CDK10: variants seen among roughly 807,000 people sequenced by gnomAD.
The protein encoded by CDK10 is cyclin dependent kinase 10.
In CDK10, 55 loss-of-function variants were observed where a neutral mutation model predicts 51.0. The observed-to-expected ratio is 1.08, with a 90% CI of 0.87 to 1.35. The LOEUF (loss-of-function observed/expected upper bound fraction) is 1.35. Among genes scored for constraint, CDK10 ranks in the 40% most tolerant of loss-of-function variants. CDK10 has a pLI of 0.00. For missense variants in CDK10, 589 were observed against 485.1 expected, an observed-to-expected ratio of 1.21 and a Z score of -2.01; for synonymous variants, 255 against 199.1, an observed-to-expected ratio of 1.28 and a Z score of -2.36.
Position 89,691,472 on chromosome 16 carries a change from ACGCTGCTGCTC to A in CDK10, c.266_276del (p.Leu89ProfsTer29), listed in dbSNP as rs780215532. 8.7e-6 allele frequency: 14 copies of A among 1,613,192 alleles called. No individual in the cohort carries two copies. Among genetic ancestry groups the A allele is most frequent in the Non-Finnish European group, 1.2e-5 (14 of 1,179,710 alleles). ...CCCCATCAGCAGCTTGCGGGAGATC[ACGCTGCTGCTC>A]CGCCTGCGTCATCCGAACATCGTGG... On this transcript the variant is annotated frameshift_variant, in exon 4 of 13. Transcript: ENST00000353379. LOFTEE classifies it high-confidence loss of function.
chr16:89,695,971 G>A lies in CDK10; in HGVS notation c.*279G>A, dbSNP rs1347217364. The A allele has an allele frequency of 8.0e-6, 5 of 621,808 alleles. No homozygotes were observed. Among genetic ancestry groups the A allele is most frequent in the East Asian group, 2.7e-5 (1 of 36,458 alleles). 38.5% of individuals were successfully genotyped at this position (621,808 alleles called of 1,614,324 possible). ...GCAGGGGTCTCATGTGGTCCTCCTC[G>A]CTATGTTGGAAATGTGCAACCACTG... On this transcript the variant is annotated 3_prime_UTR_variant, in exon 13 of 13. Transcript: ENST00000353379.
intron 9 of CDK10, 173 bp from the exon 10 acceptor site, chr16:89,694,492 C>A: frequency 1.6e-6 from 2 of 1,220,090 alleles, no homozygotes; most frequent in Non-Finnish European, 2.3e-6. Flanking sequence ...GGGAGGCCTG[C>A]GGGGCCCAGG....
chr16:89,688,165 T>G (rs1004891840), intron 1 of CDK10, among the ~76,000 whole-genome samples: 2 of 138,630 alleles, frequency 1.4e-5, no homozygotes, highest in African/African-American at 5.5e-5. Context: ...CACTGCAAGC[T>G]CCACCTCCTG....
At chr16:89,693,540 G>A (rs2060554283) in intron 8 of CDK10, 73 bp downstream of exon 8, 1 of 1,466,062 alleles carries the variant, frequency 6.8e-7, no homozygotes, top group African/African-American at 1.4e-5. Context: ...GGGATGTCAG[G>A]CCGAAGCTGC....
rs1316205080 is a variant in CDK10 at position 89,695,832 on chromosome 16, C to T, written c.*140C>T. ...GCTGGGAACATCCTCCACTGACTTC[C>T]TCCCACTGTCTGCCCTGAACCCACT... On this transcript the variant is annotated 3_prime_UTR_variant, in exon 13 of 13. Coordinates refer to ENST00000353379, the MANE Select transcript of CDK10 (RefSeq NM_052988.5). The T allele has an allele frequency of 2.0e-6, 3 of 1,528,044 alleles. No individual in the cohort carries two copies. Among genetic ancestry groups the T allele is most frequent in the Admixed American group, 3.9e-5 (2 of 51,196 alleles). 94.7% of individuals were successfully genotyped at this position (1,528,044 alleles called of 1,614,324 possible).
At position 89,696,189 on chromosome 16, in the gene CDK10, A is replaced by G. The variant is rs1350069112; in HGVS notation, c.*497A>G. On this transcript the variant is annotated 3_prime_UTR_variant, in exon 13 of 13. Transcript: ENST00000353379. ...CAGATGAGGACAAGAGGGACAAGGT[A>G]TGGGGTGGGAGCCACAATTGAGGAT... 6.2e-6 allele frequency: 2 copies of G among 321,558 alleles called. No individual in the cohort carries two copies. Among genetic ancestry groups the G allele is most frequent in the Non-Finnish European group, 1.2e-5 (2 of 168,014 alleles). The allele number at this position is 321,558 out of a possible 1,614,324, so 19.9% of individuals were successfully genotyped here.
At chr16:89,690,739 G>A in intron 3 of CDK10, 115 bp downstream of exon 3, 1 of 910,184 alleles carries the variant, frequency 1.1e-6, no homozygotes, top group East Asian at 2.5e-5. Context: ...GCCGGCCTCT[G>A]GGAGGGTTCT....
chr16:89,696,128 T>G lies in CDK10; in HGVS notation c.*436T>G, dbSNP rs2060709814. On this transcript the variant is annotated 3_prime_UTR_variant, in exon 13 of 13. Transcript: ENST00000353379. Reference sequence around the variant, plus strand: ...GCCCGGGGCTGTCCCGTGCATGGGTTGGCTGTGGGGACCCCAGGTGGGCCT... The same window carrying G: ...GCCCGGGGCTGTCCCGTGCATGGGTGGGCTGTGGGGACCCCAGGTGGGCCT... The G allele has an allele frequency of 2.6e-6, 1 of 389,294 alleles. No individual in the cohort carries two copies. 24.1% of individuals were successfully genotyped at this position (389,294 alleles called of 1,614,324 possible). A position where few individuals can be genotyped will look rare whatever the true frequency, so the allele number is the denominator to read the frequency against.
chr16:89,687,400 C>T (rs1276085158), intron 1 of CDK10: 1 of 440,876 alleles, frequency 2.3e-6, no homozygotes, highest in Non-Finnish European at 4.7e-6. Flanking sequence ...TAACTGCTGG[C>T]TGGTGCTCTG....
intron 12 of CDK10, 63 bp from the exon 13 acceptor site, chr16:89,695,532 C>T (rs2060681598): frequency 6.5e-7 from 1 of 1,550,182 alleles, no homozygotes; most frequent in Non-Finnish European, 8.7e-7. Flanking sequence ...TGGACTCAGA[C>T]CTGGGCCTGC....
chr16:89,691,368 G>T, intron 3 of CDK10, 75 bp from the exon 4 acceptor site: 1 of 1,105,920 alleles, frequency 9.0e-7, no homozygotes. Flanking sequence ...TGTTCGTGAA[G>T]CCCAAGAGTG....
At position 89,687,878 on chromosome 16, in the gene CDK10, C is replaced by G. The variant is rs895086367; in HGVS notation, c.87+1081C>G. On this transcript the variant is annotated intron_variant, in intron 1 of 12. Transcript: ENST00000353379. ...ACTAGGCCATCAGTGAGTGACAGGC[C>G]AGATGCTTCTGACTCGGTCCCCAGG... 1.5e-5 allele frequency: 5 copies of G among 332,148 alleles called. No individual in the cohort carries two copies. In the East Asian group the frequency reaches 4.0e-4, roughly 26 times the overall value. The allele number at this position is 332,148 out of a possible 1,614,324, so 20.6% of individuals were successfully genotyped here. A position where few individuals can be genotyped will look rare whatever the true frequency, so the allele number is the denominator to read the frequency against.
At chr16:89,695,498 C>T (rs1381621738) in intron 12 of CDK10, 97 bp from the exon 13 acceptor site, 4 of 1,497,830 alleles carry the variant, frequency 2.7e-6, no homozygotes, top group Non-Finnish European at 3.6e-6. Flanking sequence ...ACAGACAGCC[C>T]AGGGCCAGGT....
Position 89,694,631 on chromosome 16 carries a change from G to A in CDK10, c.669-34G>A, listed in dbSNP as rs200970530. The A allele has an allele frequency of 4.6e-4, 724 of 1,568,708 alleles. 4 individuals are homozygous for A. In the East Asian group the frequency reaches 7.9e-3, roughly 17 times the overall value. Reference sequence around the variant, plus strand: ...CCTCGCGCTGGCGGGGTCAGCAGACGTCTGGCCGCAGTGAGGTCCACTGTT... The same window carrying A: ...CCTCGCGCTGGCGGGGTCAGCAGACATCTGGCCGCAGTGAGGTCCACTGTT... On this transcript the variant is annotated intron_variant, in intron 9 of 12. Coordinates refer to ENST00000353379, the MANE Select transcript of CDK10 (RefSeq NM_052988.5).
intron 1 of CDK10, among the ~76,000 whole-genome samples, chr16:89,688,353 A>C (rs1438975474): frequency 2.6e-5 from 4 of 152,060 alleles, no homozygotes; most frequent in African/African-American, 9.7e-5. Context: ...AAGTGCTGGG[A>C]TTACAGGCGT....
At chr16:89,686,885 C>T in intron 1 of CDK10, 88 bp downstream of exon 1, 3 of 1,148,062 alleles carry the variant, frequency 2.6e-6, no homozygotes, top group East Asian at 2.8e-5. Flanking sequence ...CGCGCTGCCG[C>T]GCCGAGGCTT....
At chr16:89,690,356 C>T (rs1336413162) in intron 2 of CDK10, 197 bp from the exon 3 acceptor site, 11 of 602,024 alleles carry the variant, frequency 1.8e-5, no homozygotes, top group Non-Finnish European at 3.0e-6. Flanking sequence ...CTGCCCAGTT[C>T]AAATGAGGAA....
At chr16:89,691,012 A>C (rs1301190211) in intron 3 of CDK10, among the ~76,000 whole-genome samples, 2 of 152,194 alleles carry the variant, frequency 1.3e-5, no homozygotes, top group South Asian at 4.1e-4. Context: ...TGGGCCGGGC[A>C]TGGTGGCTCA....
At chr16:89,689,434 G>A in intron 2 of CDK10, 110 bp downstream of exon 2, 1 of 881,356 alleles carries the variant, frequency 1.1e-6, no homozygotes, top group East Asian at 2.4e-5. Context: ...CAGACCCTGT[G>A]CTCTGAAACA....
Sources: allele counts gnomAD v4.1 joint callset (sites outside exome capture counted in the v4.1 genomes callset), GRCh38; gene constraint gnomAD v4.1.1; transcripts MANE v1.5; gene names NCBI Gene and HGNC (gene_info 2026-07-23, HGNC 2026-07-21).